Variants in LRRC4C observed in about 807,000 individuals in gnomAD.
LRRC4C encodes the protein leucine rich repeat containing 4C, also known as leucine-rich repeat-containing protein 4C.
In LRRC4C, 5 loss-of-function variants were observed where a neutral mutation model predicts 33.6. The ratio of observed to expected loss-of-function variants is 0.15; its 90% confidence interval spans 0.08 to 0.31. The LOEUF is 0.31. Among genes scored for constraint, LRRC4C ranks in the 10% least tolerant of loss-of-function variants. LRRC4C has a pLI of 1.00. For synonymous variants in LRRC4C, 329 were observed against 302.0 expected (o/e 1.09, Z -0.93); for missense variants, 560 against 796.7 (o/e 0.70, Z 3.58).
chr11:41,017,404 A>G (rs1855664203), intron 1 of LRRC4C, among the ~76,000 whole-genome samples: 1 of 152,190 alleles, frequency 6.6e-6, no homozygotes, highest in Admixed American at 6.5e-5. Context: ...TCCAAGGAAC[A>G]TCTACAAAAT....
At chr11:40,475,074 C>T (rs959311321) in intron 3 of LRRC4C, among the ~76,000 whole-genome samples, 1 of 152,066 alleles carries the variant, frequency 6.6e-6, no homozygotes, top group South Asian at 2.1e-4. Context: ...ACCAGAAATA[C>T]CATTTGATCC....
At chr11:41,219,146 C>T (rs1004102636) in intron 1 of LRRC4C, among the ~76,000 whole-genome samples, 15 of 152,112 alleles carry the variant, frequency 9.9e-5, no homozygotes, top group African/African-American at 3.6e-4. Flanking sequence ...GACTTCTTAT[C>T]GAAGCCCATT....
At chr11:40,721,215 A>G (rs970080449) in intron 2 of LRRC4C, among the ~76,000 whole-genome samples, 1 of 152,184 alleles carries the variant, frequency 6.6e-6, no homozygotes, top group Admixed American at 6.5e-5. Context: ...GCCTTTGGGA[A>G]GGAATTAGAT....
At chr11:40,314,254 T>C (rs940803167) in intron 4 of LRRC4C, among the ~76,000 whole-genome samples, 6 of 152,156 alleles carry the variant, frequency 3.9e-5, no homozygotes, top group Admixed American at 6.5e-5. Flanking sequence ...CGAATAGATA[T>C]TTTTCAATAG....
intron 1 of LRRC4C, among the ~76,000 whole-genome samples, chr11:41,095,872 G>A (rs1357690023): frequency 6.6e-6 from 1 of 152,120 alleles, no homozygotes; most frequent in Non-Finnish European, 1.5e-5. Flanking sequence ...ACCTCAAGGT[G>A]AGGAGTGGTC....
Position 40,360,991 on chromosome 11 carries a change from A to G in LRRC4C, c.-269-41270T>C, listed in dbSNP as rs540984867. ...TCATCACATAAAAAAACTAAAGATA[A>G]AAATCACGGGATTATCTCAATGGCT... On this transcript the variant is annotated intron_variant, in intron 3 of 6. Coordinates refer to ENST00000528697, the MANE Select transcript of LRRC4C (RefSeq NM_001258419.2). Among the ~76,000 whole-genome samples, 3 of 152,310 alleles carry G rather than the reference A, an allele frequency of 2.0e-5. No homozygotes were observed. In the South Asian group the frequency reaches 6.2e-4, roughly 32 times the overall value.
At chr11:40,267,788 C>T (rs182339750) in intron 4 of LRRC4C, among the ~76,000 whole-genome samples, 2 of 152,110 alleles carry the variant, frequency 1.3e-5, no homozygotes, top group East Asian at 3.9e-4. Context: ...TGGGAGTGGG[C>T]CTGTAAGCTG....
intron 5 of LRRC4C, among the ~76,000 whole-genome samples, chr11:40,185,942 C>T (rs1271628339): frequency 6.6e-6 from 1 of 152,100 alleles, no homozygotes; most frequent in East Asian, 1.9e-4. Flanking sequence ...TCACAGGAGC[C>T]TTCTCCATCC....
At chr11:40,202,537 T>C (rs1484994807) in intron 5 of LRRC4C, among the ~76,000 whole-genome samples, 1 of 152,038 alleles carries the variant, frequency 6.6e-6, no homozygotes, top group Non-Finnish European at 1.5e-5. Context: ...AATGAATGAG[T>C]TGGGCTAGAC....
At chr11:40,882,672 C>T (rs1412108726) in intron 2 of LRRC4C, among the ~76,000 whole-genome samples, 2 of 152,044 alleles carry the variant, frequency 1.3e-5, no homozygotes, top group Admixed American at 6.6e-5. Flanking sequence ...AAACTCTGTC[C>T]TCCTTTAAAA....
chr11:41,047,546 G>A (rs922986331), intron 1 of LRRC4C, among the ~76,000 whole-genome samples: 30 of 151,998 alleles, frequency 2.0e-4, no homozygotes, highest in Non-Finnish European at 3.5e-4. Context: ...AATGGTGAGT[G>A]TTATGCTAGG....
intron 2 of LRRC4C, among the ~76,000 whole-genome samples, chr11:40,779,557 G>A (rs568812491): frequency 3.2e-4 from 49 of 152,066 alleles, no homozygotes; most frequent in African/African-American, 1.2e-3. Flanking sequence ...TTTTTTAAAG[G>A]CACTATAGCT....
chr11:40,782,386 G>T (rs1291544122), intron 2 of LRRC4C, among the ~76,000 whole-genome samples: 1 of 151,640 alleles, frequency 6.6e-6, no homozygotes, highest in Non-Finnish European at 1.5e-5. Context: ...GGATGAGAAT[G>T]AACACACCAT....
chr11:41,439,727 TG>T (rs1282008696), intron 1 of LRRC4C, among the ~76,000 whole-genome samples: 7 of 152,232 alleles, frequency 4.6e-5, no homozygotes, highest in Non-Finnish European at 1.0e-4. Context: ...TGGCAACTCA[TG>T]GAAGACAACA....
intron 1 of LRRC4C, among the ~76,000 whole-genome samples, chr11:41,249,222 G>T (rs1948556862): frequency 6.6e-6 from 1 of 152,038 alleles, no homozygotes; most frequent in Non-Finnish European, 1.5e-5. Context: ...TTTTAGTAGA[G>T]ACGGGATTTC....
intron 3 of LRRC4C, among the ~76,000 whole-genome samples, chr11:40,386,275 A>G (rs1034988505): frequency 1.3e-5 from 2 of 152,124 alleles, no homozygotes; most frequent in Non-Finnish European, 2.9e-5. Context: ...CAAAATCTTG[A>G]AGATTCTAGC....
chr11:41,308,331 A>G lies in LRRC4C; in HGVS notation c.-496+151100T>C, dbSNP rs149718365. On this transcript the variant is annotated intron_variant, in intron 1 of 6. Transcript: ENST00000528697. ...TTTTTTTTGCAACAGCGTGAGCACT[A>G]ACAGAACAACACAGGGCTGACTATT... Among the ~76,000 whole-genome samples, 3 of 152,220 alleles carry G rather than the reference A, an allele frequency of 2.0e-5. No homozygotes were observed. In the East Asian group the frequency reaches 5.8e-4, roughly 29 times the overall value.
chr11:40,785,775 T>C (rs147309798), intron 2 of LRRC4C, among the ~76,000 whole-genome samples: 5 of 152,262 alleles, frequency 3.3e-5, no homozygotes, highest in Admixed American at 2.6e-4. Flanking sequence ...CTAGGTTCTG[T>C]CCAAAATTGA....
chr11:41,136,241 A>G (rs1464762383), intron 1 of LRRC4C, among the ~76,000 whole-genome samples: 3 of 152,170 alleles, frequency 2.0e-5, no homozygotes, highest in Non-Finnish European at 4.4e-5. Flanking sequence ...TGTGGCAAAC[A>G]CTGGAAATAA....
Sources: gnomAD v4.1 joint callset for allele counts (sites outside exome capture counted in the v4.1 genomes callset) on GRCh38, gnomAD v4.1.1 for gene constraint, MANE v1.5 for transcripts, NCBI Gene and HGNC (gene_info 2026-07-23, HGNC 2026-07-21) for gene names.